The following OR56A3 variants were observed in gnomAD, a reference collection of about 807,000 sequenced individuals.
OR56A3 encodes the protein olfactory receptor 56A3.
OR56A3 carries 23 observed loss-of-function variants against 17.5 expected under a neutral mutation model. The ratio of observed to expected loss-of-function variants is 1.32; its 90% CI spans 0.95 to 1.87. The LOEUF is 1.87. OR56A3 is among the 40% of genes most tolerant of loss of function. The pLI is 0.00. For synonymous variants in OR56A3, 175 were observed against 150.6 expected (o/e 1.16, Z -1.19); for missense variants, 366 against 380.1 (o/e 0.96, Z 0.31).
chr11:5,965,862 G>A, the OR56A3 span, among the ~76,000 whole-genome samples: 1 of 152,128 alleles, frequency 6.6e-6, no homozygotes, highest in Admixed American at 6.5e-5. Flanking sequence ...GAGTGGTGTT[G>A]TTTTTTATGT....
chr11:5,964,437 T>C, the OR56A3 span, among the ~76,000 whole-genome samples: 2 of 152,188 alleles, frequency 1.3e-5, no homozygotes, highest in Admixed American at 1.3e-4. Flanking sequence ...CCTAAGCCTG[T>C]AATCCCTGCA....
chr11:5,981,992 CTG>C, the OR56A3 span, among the ~76,000 whole-genome samples: 3 of 152,190 alleles, frequency 2.0e-5, no homozygotes, highest in African/African-American at 4.8e-5. Flanking sequence ...AGGCCCATGG[CTG>C]TGTTCTCTGG....
chr11:5,973,865 T>C, the OR56A3 span, among the ~76,000 whole-genome samples: 3 of 152,226 alleles, frequency 2.0e-5, no homozygotes, highest in African/African-American at 4.8e-5. Context: ...GTATTTATTA[T>C]TATTCCTATC....
chr11:6,014,989 CAAAAAAAA>C, the OR56A3 span, among the ~76,000 whole-genome samples: 236 of 35,218 alleles, frequency 6.7e-3, 6 homozygotes, highest in East Asian at 0.19. Flanking sequence ...TATTCATGGG[CAAAAAAAA>C]AAAAAAAAAA....
At chr11:5,996,507 T>TG in the OR56A3 span, among the ~76,000 whole-genome samples, 2 of 73,636 alleles carry the variant, frequency 2.7e-5, no homozygotes, top group African/African-American at 9.6e-5. Context: ...ACCAGTGAAG[T>TG]TTTTTTTTTT....
chr11:5,973,012 G>A, the OR56A3 span, among the ~76,000 whole-genome samples: 1 of 152,088 alleles, frequency 6.6e-6, no homozygotes, highest in Admixed American at 6.6e-5. Flanking sequence ...ATGTTATATT[G>A]ACAGATTTCC....
At chr11:5,962,041 C>A in the OR56A3 span, among the ~76,000 whole-genome samples, 1 of 152,062 alleles carries the variant, frequency 6.6e-6, no homozygotes, top group Non-Finnish European at 1.5e-5. Flanking sequence ...CATATGTAAC[C>A]TTTATTATGT....
chr11:6,002,673 A>G, the OR56A3 span: 2 of 1,614,246 alleles, frequency 1.2e-6, no homozygotes, highest in Non-Finnish European at 1.7e-6. Context: ...AAAACTGTTC[A>G]TGATGAACAT....
At chr11:5,954,127 C>T (rs1031074596), downstream of OR56A3, among the ~76,000 whole-genome samples, 5 of 152,188 alleles carry the variant, frequency 3.3e-5, no homozygotes, top group African/African-American at 7.2e-5. Context: ...AGCCCCAGAA[C>T]TAACTCTTTA....
At chr11:5,996,197 A>G in the OR56A3 span, among the ~76,000 whole-genome samples, 4 of 152,194 alleles carry the variant, frequency 2.6e-5, no homozygotes, top group African/African-American at 9.7e-5. Context: ...AATTTGGTAC[A>G]TGTAATATAT....
the OR56A3 span, chr11:6,001,339 C>G: frequency 8.5e-5 from 13 of 152,352 alleles, no homozygotes; most frequent in African/African-American, 3.1e-4. Flanking sequence ...CAGTACAACT[C>G]CTCCCCAACC....
rs1404839945 is a variant in OR56A3, at chr11:5,951,156, A to T, written c.*2862A>T. ...GGGTTTTTAAGACATATGGTCCTGA[A>T]ATCCCACAGTGACAGACTTGAAGAA... On this transcript the variant is annotated 3_prime_UTR_variant, in exon 3 of 3. Coordinates refer to ENST00000641160, the MANE Select transcript of OR56A3 (RefSeq NM_001003443.3). 1 of 152,108 alleles carries T rather than the reference A, an allele frequency of 6.6e-6. No homozygotes were observed. Among genetic ancestry groups the T allele is most frequent in the Non-Finnish European group, 1.5e-5 (1 of 67,968 alleles). 9.4% of individuals were successfully genotyped at this position (152,108 alleles called of 1,614,324 possible).
the OR56A3 span, among the ~76,000 whole-genome samples, chr11:5,980,783 T>C: frequency 0.01 from 1,533 of 152,344 alleles, 38 homozygotes; most frequent in African/African-American, 0.034. Flanking sequence ...ATAGTCTATG[T>C]ACTTAAGTGT....
the OR56A3 span, among the ~76,000 whole-genome samples, chr11:5,966,529 C>G: frequency 6.6e-6 from 1 of 152,114 alleles, no homozygotes; most frequent in Non-Finnish European, 1.5e-5. Flanking sequence ...GGCCTAGCTA[C>G]TAAATGTTAC....
chr11:5,994,491 C>T, the OR56A3 span: 36 of 768,368 alleles, frequency 4.7e-5, no homozygotes, highest in Middle Eastern at 3.5e-4. Flanking sequence ...GCAATCTGAG[C>T]TTGTAGGCCT....
chr11:5,969,402 C>T, the OR56A3 span, among the ~76,000 whole-genome samples: 1 of 152,296 alleles, frequency 6.6e-6, no homozygotes, highest in South Asian at 2.1e-4. Flanking sequence ...ACAGTAGAAA[C>T]ATCAGATGCA....
At chr11:5,997,417 A>C in the OR56A3 span, among the ~76,000 whole-genome samples, 1 of 152,170 alleles carries the variant, frequency 6.6e-6, no homozygotes, top group Admixed American at 6.6e-5. Context: ...TGTTTAATGC[A>C]CCATCAGACC....
At chr11:5,966,267 G>T in the OR56A3 span, among the ~76,000 whole-genome samples, 14 of 151,330 alleles carry the variant, frequency 9.3e-5, no homozygotes, top group Non-Finnish European at 2.1e-4. Flanking sequence ...CCAGCTACTT[G>T]GGAGGCTGAG....
chr11:5,972,819 G>A, the OR56A3 span, among the ~76,000 whole-genome samples: 7 of 152,140 alleles, frequency 4.6e-5, no homozygotes, highest in African/African-American at 9.7e-5. Flanking sequence ...AGTAGAGACA[G>A]GGTTTCACGT....
Sources: gnomAD v4.1 joint callset for allele counts (sites outside exome capture counted in the v4.1 genomes callset) on GRCh38, gnomAD v4.1.1 for gene constraint, MANE v1.5 for transcripts, NCBI Gene and HGNC (gene_info 2026-07-23, HGNC 2026-07-21) for gene names.